PDE1C: variants seen among roughly 807,000 people sequenced by gnomAD.
PDE1C encodes dual specificity calcium/calmodulin-dependent 3',5'-cyclic nucleotide phosphodiesterase 1C.
A neutral mutation model predicts 93.1 loss-of-function variants in PDE1C; 62 were observed. The ratio of observed to expected loss-of-function variants is 0.67; its 90% CI spans 0.54 to 0.82. The LOEUF is 0.82. Among genes scored for constraint, PDE1C ranks in the 40% least tolerant of loss-of-function variants. The probability of loss-of-function intolerance (pLI) is 0.00; values close to 1 mark genes in which losing one functional copy is unlikely to be tolerated. For missense variants in PDE1C, 742 were observed against 884.6 expected (o/e 0.84, Z 2.04); for synonymous variants, 325 against 310.1 (o/e 1.05, Z -0.50).
At chr7:31,868,229 A>C (rs1289261318) in intron 6 of PDE1C, among the ~76,000 whole-genome samples, 1 of 152,234 alleles carries the variant, frequency 6.6e-6, no homozygotes, top group Non-Finnish European at 1.5e-5. Context: ...TCTTGGATAA[A>C]TAATTCAAAT....
At chr7:32,051,433 C>A in intron 2 of PDE1C, 121 bp downstream of exon 2, 1 of 931,454 alleles carries the variant, frequency 1.1e-6, no homozygotes, top group Admixed American at 1.8e-5. Context: ...ATAAAGCACG[C>A]AACATGCTGA....
At chr7:32,357,203 A>C (rs137875643) in intron 1 of PDE1C, among the ~76,000 whole-genome samples, 3 of 152,034 alleles carry the variant, frequency 2.0e-5, no homozygotes, top group Non-Finnish European at 4.4e-5. Context: ...GCATGGTGGC[A>C]GGTGCCTGTA....
At chr7:32,076,901 A>G (rs1460471259) in intron 3 of PDE1C, among the ~76,000 whole-genome samples, 1 of 151,648 alleles carries the variant, frequency 6.6e-6, no homozygotes, top group East Asian at 1.9e-4. Context: ...ATGCCAACTA[A>G]TAATACAATT....
intron 16 of PDE1C, among the ~76,000 whole-genome samples, chr7:31,794,110 G>GATAGATAGATAGATA (rs1784995329): frequency 8.1e-6 from 1 of 123,364 alleles, no homozygotes; most frequent in African/African-American, 3.2e-5. Flanking sequence ...ACAGATAGAT[G>GATAGATAGATAGATA]GGCAGGCGGG....
chr7:32,232,296 T>G (rs931023068), intron 1 of PDE1C, among the ~76,000 whole-genome samples: 1 of 152,196 alleles, frequency 6.6e-6, no homozygotes, highest in Non-Finnish European at 1.5e-5. Context: ...GGAACAAGAT[T>G]GGGAAACAGA....
At chr7:31,643,637 A>G in the PDE1C span, 535 of 1,614,070 alleles carry the variant, frequency 3.3e-4, 3 homozygotes, top group African/African-American at 6.5e-3. Context: ...AAAGCAAGAC[A>G]GTTAAATGAT....
At chr7:31,944,529 C>T (rs917156064) in intron 2 of PDE1C, among the ~76,000 whole-genome samples, 2 of 152,170 alleles carry the variant, frequency 1.3e-5, no homozygotes, top group Non-Finnish European at 2.9e-5. Context: ...CCTTCTCTGG[C>T]ACAAAATGCA....
chr7:31,676,923 A>G, the PDE1C span, among the ~76,000 whole-genome samples: 6 of 152,208 alleles, frequency 3.9e-5, no homozygotes, highest in Admixed American at 1.3e-4. Flanking sequence ...AGTCCCACTC[A>G]GTGGCTGCCT....
At chr7:32,357,320 C>A (rs11772661) in intron 1 of PDE1C, among the ~76,000 whole-genome samples, 2 of 143,930 alleles carry the variant, frequency 1.4e-5, no homozygotes, top group African/African-American at 5.6e-5. Context: ...GGCAACAGAG[C>A]GAGATTCCAT....
At chr7:32,051,761 G>C (rs1793413436) in intron 1 of PDE1C, among the ~76,000 whole-genome samples, 181 bp from the exon 2 acceptor site, 1 of 152,150 alleles carries the variant, frequency 6.6e-6, no homozygotes, top group South Asian at 2.1e-4. Flanking sequence ...ATTGTAGTCA[G>C]AAGTACAGAA....
the PDE1C span, among the ~76,000 whole-genome samples, chr7:31,735,659 A>T: frequency 6.6e-6 from 1 of 152,158 alleles, no homozygotes; most frequent in African/African-American, 2.4e-5. Context: ...ATAAATGTTA[A>T]ATGAAATAAT....
chr7:31,964,164 C>T (rs930198996), intron 2 of PDE1C, among the ~76,000 whole-genome samples: 3 of 152,224 alleles, frequency 2.0e-5, no homozygotes, highest in Non-Finnish European at 4.4e-5. Context: ...AAAGCATCAC[C>T]TCACCCGGGA....
chr7:32,260,295 C>T (rs1810104355), intron 1 of PDE1C, among the ~76,000 whole-genome samples: 1 of 152,220 alleles, frequency 6.6e-6, no homozygotes, highest in Non-Finnish European at 1.5e-5. Flanking sequence ...AGCCTGGCTC[C>T]ACCACTCAGC....
chr7:32,124,932 G>T (rs1476166761), intron 3 of PDE1C, among the ~76,000 whole-genome samples: 1 of 152,066 alleles, frequency 6.6e-6, no homozygotes, highest in African/African-American at 2.4e-5. Context: ...GAGTAAACAG[G>T]CAACCTACAG....
chr7:31,631,359 A>C, the PDE1C span, among the ~76,000 whole-genome samples: 1 of 152,368 alleles, frequency 6.6e-6, no homozygotes, highest in Admixed American at 6.5e-5. Flanking sequence ...AACAAGATAT[A>C]AAATGTGTAT....
chr7:31,684,643 T>C, the PDE1C span, among the ~76,000 whole-genome samples: 1 of 152,324 alleles, frequency 6.6e-6, no homozygotes, highest in East Asian at 1.9e-4. Context: ...ACTACGCAGA[T>C]GACAAATAAG....
At chr7:32,022,100 G>A (rs748556995) in intron 2 of PDE1C, among the ~76,000 whole-genome samples, 16 of 151,830 alleles carry the variant, frequency 1.1e-4, no homozygotes, top group Non-Finnish European at 1.8e-4. Context: ...ACAGTGTTTG[G>A]TATATAGTAG....
chr7:32,161,232 A>G (rs1801899798), intron 3 of PDE1C, among the ~76,000 whole-genome samples: 1 of 152,132 alleles, frequency 6.6e-6, no homozygotes, highest in South Asian at 2.1e-4. Flanking sequence ...AATAAGAATA[A>G]TGTGGGATGT....
At chr7:31,701,054 C>T in the PDE1C span, among the ~76,000 whole-genome samples, 4 of 151,286 alleles carry the variant, frequency 2.6e-5, no homozygotes, top group Non-Finnish European at 5.9e-5. Flanking sequence ...GGAGTTACTT[C>T]GACTTGCAAG....
Sources: allele counts gnomAD v4.1 joint callset (sites outside exome capture counted in the v4.1 genomes callset), GRCh38; gene constraint gnomAD v4.1.1; transcripts MANE v1.5; gene names NCBI Gene and HGNC (gene_info 2026-07-23, HGNC 2026-07-21).